The following FSTL5 variants were observed in gnomAD, a reference collection of about 807,000 sequenced individuals.
The protein encoded by FSTL5 is follistatin-related protein 5.
FSTL5 carries 62 observed loss-of-function variants against 89.1 expected under a neutral mutation model. That is an observed-to-expected ratio of 0.70 (90% CI 0.57 to 0.86). The LOEUF is 0.86. FSTL5 is among the 40% of genes least tolerant of loss of function. The pLI is 0.00. For synonymous variants in FSTL5, 383 were observed against 346.2 expected (o/e 1.11, Z -1.18); for missense variants, 1,057 against 1,001.6 (o/e 1.06, Z -0.75).
In FSTL5 at chr4:161,919,079, G is replaced by A. The variant is rs1579193213; in HGVS notation, c.409+1325C>T. On this transcript the variant is annotated intron_variant, in intron 4 of 15. Coordinates refer to ENST00000306100, the MANE Select transcript of FSTL5 (RefSeq NM_020116.5). ...TATGTACATAATTTCATAGTGTCAA[G>A]TATCAGTGCAATAGTATAATTTCCA... 2.0e-5 allele frequency among the ~76,000 whole-genome samples: 3 copies of A among 152,002 alleles called. No individual in the cohort carries two copies. In the South Asian group the frequency reaches 6.2e-4, roughly 31 times the overall value.
chr4:161,656,201 T>C, intron 7 of FSTL5, 127 bp downstream of exon 7: 2 of 474,932 alleles, frequency 4.2e-6, no homozygotes, highest in East Asian at 3.4e-5. Flanking sequence ...AGATTAGATA[T>C]AGCAATGTCC....
chr4:161,969,890 A>AT (rs1483262649), intron 3 of FSTL5, among the ~76,000 whole-genome samples: 1 of 152,126 alleles, frequency 6.6e-6, no homozygotes, highest in Non-Finnish European at 1.5e-5. Flanking sequence ...ATTTGAGAAG[A>AT]TAAAAAATAT....
At chr4:161,498,237 T>G (rs972824923) in intron 12 of FSTL5, among the ~76,000 whole-genome samples, 1 of 152,118 alleles carries the variant, frequency 6.6e-6, no homozygotes, top group East Asian at 1.9e-4. Context: ...ATTATAAAGC[T>G]TTAAAGAGAG....
chr4:161,666,706 G>A (rs1237262994), intron 6 of FSTL5, among the ~76,000 whole-genome samples: 1 of 152,058 alleles, frequency 6.6e-6, no homozygotes, highest in East Asian at 1.9e-4. Context: ...TAACAAATAG[G>A]ATAAAATAAT....
chr4:161,891,738 T>C (rs1028257463), intron 4 of FSTL5, among the ~76,000 whole-genome samples: 4 of 152,048 alleles, frequency 2.6e-5, no homozygotes, highest in African/African-American at 7.2e-5. Context: ...ACATAATTTA[T>C]CCAGCTTGGA....
chr4:161,465,672 T>C (rs2126422879), intron 13 of FSTL5, among the ~76,000 whole-genome samples: 1 of 152,316 alleles, frequency 6.6e-6, no homozygotes, highest in East Asian at 1.9e-4. Flanking sequence ...GACTTACTTG[T>C]AGCTGGCAAT....
At chr4:161,708,248 A>ATC (rs1370293234) in intron 6 of FSTL5, among the ~76,000 whole-genome samples, 1 of 151,988 alleles carries the variant, frequency 6.6e-6, no homozygotes, top group African/African-American at 2.4e-5. Context: ...AAAACTACAG[A>ATC]TCTCTTTACT....
At chr4:161,615,729 G>C (rs995046018) in intron 7 of FSTL5, among the ~76,000 whole-genome samples, 1 of 152,046 alleles carries the variant, frequency 6.6e-6, no homozygotes, top group African/African-American at 2.4e-5. Flanking sequence ...ATGCTAAAAT[G>C]ACAATGAGAT....
At chr4:161,666,793 G>A (rs1295910839) in intron 6 of FSTL5, among the ~76,000 whole-genome samples, 1 of 151,966 alleles carries the variant, frequency 6.6e-6, no homozygotes, top group Non-Finnish European at 1.5e-5. Context: ...AATTATTTCT[G>A]CCAAAAGTTC....
intron 12 of FSTL5, among the ~76,000 whole-genome samples, chr4:161,494,672 G>A (rs1047442385): frequency 4.6e-5 from 7 of 152,096 alleles, no homozygotes; most frequent in Admixed American, 1.3e-4. Flanking sequence ...GCCAAACCTG[G>A]ATAACAGACA....
chr4:161,969,263 C>T (rs1259326135), intron 3 of FSTL5, among the ~76,000 whole-genome samples: 1 of 151,934 alleles, frequency 6.6e-6, no homozygotes, highest in Admixed American at 6.6e-5. Context: ...GTCTCCATTA[C>T]TTTACTATTT....
At chr4:161,645,471 C>A (rs867268872) in intron 7 of FSTL5, among the ~76,000 whole-genome samples, 2 of 151,936 alleles carry the variant, frequency 1.3e-5, no homozygotes, top group East Asian at 3.9e-4. Context: ...TTTAAAAATA[C>A]GTTTTAAATT....
chr4:161,392,764 G>A (rs1730863883), intron 15 of FSTL5, among the ~76,000 whole-genome samples: 2 of 152,126 alleles, frequency 1.3e-5, no homozygotes, highest in Admixed American at 1.3e-4. Flanking sequence ...TGCAGGAGTT[G>A]ATAAATGGGT....
intron 15 of FSTL5, among the ~76,000 whole-genome samples, chr4:161,453,832 T>A (rs569792532): frequency 3.2e-4 from 49 of 152,226 alleles, no homozygotes; most frequent in African/African-American, 1.1e-3. Context: ...GTACTCAAGC[T>A]ACACCTCTGC....
intron 6 of FSTL5, among the ~76,000 whole-genome samples, chr4:161,727,981 T>TCAAA (rs570054024): frequency 6.0e-4 from 91 of 152,212 alleles, no homozygotes; most frequent in East Asian, 1.7e-3. Flanking sequence ...AGACTCTGTC[T>TCAAA]CAAACAAACA....
intron 4 of FSTL5, among the ~76,000 whole-genome samples, chr4:161,899,057 G>A (rs1733266556): frequency 6.6e-6 from 1 of 152,132 alleles, no homozygotes; most frequent in Non-Finnish European, 1.5e-5. Flanking sequence ...CTCTTGAATA[G>A]AGTAACTCCA....
chr4:161,739,074 C>T (rs1739913805), intron 6 of FSTL5, among the ~76,000 whole-genome samples: 1 of 152,256 alleles, frequency 6.6e-6, no homozygotes, highest in South Asian at 2.1e-4. Context: ...GATGTGACTA[C>T]TTGTGTTATG....
At chr4:161,661,654 G>C (rs1736716280) in intron 6 of FSTL5, among the ~76,000 whole-genome samples, 1 of 152,082 alleles carries the variant, frequency 6.6e-6, no homozygotes. Flanking sequence ...ACATAATTTA[G>C]ACATGCCAAG....
intron 1 of FSTL5, among the ~76,000 whole-genome samples, chr4:162,112,032 C>A (rs1266476560): frequency 1.3e-5 from 2 of 152,238 alleles, no homozygotes; most frequent in Non-Finnish European, 2.9e-5. Flanking sequence ...CTACTTCAGC[C>A]TTTCTATGTT....
Sources: allele counts gnomAD v4.1 joint callset (sites outside exome capture counted in the v4.1 genomes callset), GRCh38; gene constraint gnomAD v4.1.1; transcripts MANE v1.5; gene names NCBI Gene and HGNC (gene_info 2026-07-23, HGNC 2026-07-21).